Variants in DNAH11 observed in about 807,000 individuals in gnomAD.
DNAH11 encodes axonemal beta dynein heavy chain 11.
Under a neutral mutation model 526.0 loss-of-function variants are expected in DNAH11, and 442 were observed. The ratio of observed to expected loss-of-function variants is 0.84; its 90% CI spans 0.78 to 0.91. The LOEUF is 0.91. DNAH11 is among the 40% of genes least tolerant of loss of function. The pLI, the probability that DNAH11 is intolerant of heterozygous loss-of-function variation, is 0.00. For missense variants in DNAH11, 6,989 were observed against 5,448.7 expected, an observed-to-expected ratio of 1.28 and a Z score of -8.90; for synonymous variants, 2,461 against 1,935.9, an observed-to-expected ratio of 1.27 and a Z score of -7.12.
At chr7:21,835,193 G>C (rs1213155366) in intron 65 of DNAH11, among the ~76,000 whole-genome samples, 1 of 108,338 alleles carries the variant, frequency 9.2e-6, no homozygotes, top group Non-Finnish European at 1.9e-5. Flanking sequence ...ATTTAAAGAA[G>C]AACTAATACC....
At chr7:21,716,326 A>T (rs574462978) in intron 42 of DNAH11, among the ~76,000 whole-genome samples, 227 of 152,272 alleles carry the variant, frequency 1.5e-3, no homozygotes, top group African/African-American at 5.2e-3. Context: ...TGTACTAATG[A>T]GTAACGTTTA....
chr7:21,625,522 A>G lies in DNAH11; in HGVS notation c.4500+5444A>G, dbSNP rs1256333219. Among the ~76,000 whole-genome samples, 5 of 151,972 alleles carry G rather than the reference A, an allele frequency of 3.3e-5. 1 individual carries two copies. Among genetic ancestry groups the G allele is most frequent in the African/African-American group, 1.2e-4 (5 of 41,402 alleles). Reference sequence around the variant, plus strand: ...TTCATCAATTACTGCTCTGATCGTTATCATTTTTTCCTACTATTGATTGTG... The same window carrying G: ...TTCATCAATTACTGCTCTGATCGTTGTCATTTTTTCCTACTATTGATTGTG... On this transcript the variant is annotated intron_variant, in intron 25 of 81. Coordinates refer to ENST00000409508, the MANE Select transcript of DNAH11 (RefSeq NM_001277115.2).
chr7:21,554,457 G>A (rs1045424499), intron 2 of DNAH11, among the ~76,000 whole-genome samples: 3 of 152,102 alleles, frequency 2.0e-5, no homozygotes, highest in African/African-American at 4.8e-5. Flanking sequence ...TTATAGGCAT[G>A]AGCCCTGCAC....
At chr7:21,700,642 A>G (rs1177879809) in intron 36 of DNAH11, among the ~76,000 whole-genome samples, 4 of 152,208 alleles carry the variant, frequency 2.6e-5, no homozygotes, top group South Asian at 2.1e-4. Flanking sequence ...TCATTCTACT[A>G]TAAAGACACA....
intron 67 of DNAH11, 63 bp downstream of exon 67, chr7:21,852,694 G>T (rs1782689151): frequency 6.7e-7 from 1 of 1,487,160 alleles, no homozygotes; most frequent in African/African-American, 1.4e-5. Flanking sequence ...CATGTGGGGT[G>T]GGCAGTGTGA....
chr7:21,798,562 A>T (rs943184472), intron 61 of DNAH11, among the ~76,000 whole-genome samples: 3 of 152,228 alleles, frequency 2.0e-5, no homozygotes, highest in Non-Finnish European at 4.4e-5. Context: ...CAGGACTCAG[A>T]AGGTTTGGGT....
intron 72 of DNAH11, 94 bp downstream of exon 72, chr7:21,868,101 T>C: frequency 1.0e-6 from 1 of 988,318 alleles, no homozygotes; most frequent in Non-Finnish European, 1.3e-6. Context: ...GTGATCTTAG[T>C]TTCTTTTTTT....
At chr7:21,639,822 T>C (rs10226107) in intron 28 of DNAH11, among the ~76,000 whole-genome samples, 18,922 of 152,166 alleles carry the variant, frequency 0.12, 1,394 homozygotes, top group African/African-American at 0.21. Flanking sequence ...TTACAGATTA[T>C]TTTAAAACTG....
rs1025052948 is a variant in DNAH11, at chr7:21,608,240, G to A, written c.3852+1507G>A. Among the ~76,000 whole-genome samples, 3 of 151,926 alleles carry A rather than the reference G, an allele frequency of 2.0e-5. No individual in the cohort carries two copies. The South Asian group carries it at 6.2e-4, about 32-fold the overall frequency. ...GTTGACTATAAGAATGAATATGGTG[G>A]GCAAAGAATCCAAATGGTAAGTAAT... On this transcript the variant is annotated intron_variant, in intron 20 of 81. Transcript: ENST00000409508.
Position 21,741,985 on chromosome 7 carries a change from A to G in DNAH11, c.7973A>G (p.Tyr2658Cys), listed in dbSNP as rs377216163. The G allele has an allele frequency of 7.9e-5, 127 of 1,613,930 alleles. 1 individual carries two copies. The South Asian group carries it at 1.3e-3, about 16-fold the overall frequency. Residue 2658 changes from tyrosine (Y) to cysteine (C), a missense_variant, in exon 49 of 82, where the codon TAT becomes TGT. Coordinates refer to ENST00000409508, the MANE Select transcript of DNAH11 (RefSeq NM_001277115.2). ...FPSLDALNTIYGQIFSFHFQQ... is the reference protein window; with the variant it reads ...FPSLDALNTICGQIFSFHFQQ... ...TCTTTGGATGCACTAAACACCATCT[A>G]TGGCCAAATCTTTAGCTTCCATTTC...
At chr7:21,749,364 C>T (rs1269087845) in intron 52 of DNAH11, among the ~76,000 whole-genome samples, 1 of 152,110 alleles carries the variant, frequency 6.6e-6, no homozygotes, top group Non-Finnish European at 1.5e-5. Flanking sequence ...TTTTTACGGC[C>T]CTGCCTGAAA....
intron 39 of DNAH11, among the ~76,000 whole-genome samples, chr7:21,706,175 C>T (rs143437552): frequency 2.7e-3 from 408 of 152,074 alleles, no homozygotes; most frequent in Middle Eastern, 0.01. Context: ...ATGATTTACT[C>T]GGCACAACAA....
chr7:21,631,272 G>A (rs1786592267), intron 25 of DNAH11, among the ~76,000 whole-genome samples: 1 of 152,170 alleles, frequency 6.6e-6, no homozygotes, highest in Non-Finnish European at 1.5e-5. Context: ...GGAATTCAAG[G>A]TGAGATTTGG....
intron 65 of DNAH11, among the ~76,000 whole-genome samples, chr7:21,827,782 A>G (rs1308791310): frequency 1.3e-5 from 2 of 152,132 alleles, no homozygotes; most frequent in Non-Finnish European, 2.9e-5. Context: ...TTTATTAACT[A>G]TTATTATGTT....
At chr7:21,802,065 T>C (rs1002211690) in intron 62 of DNAH11, among the ~76,000 whole-genome samples, 1 of 152,222 alleles carries the variant, frequency 6.6e-6, no homozygotes, top group African/African-American at 2.4e-5. Flanking sequence ...GGGATGTGGA[T>C]AACGTTTCCC....
intron 2 of DNAH11, among the ~76,000 whole-genome samples, chr7:21,557,111 T>C (rs1237147244): frequency 6.6e-6 from 1 of 151,952 alleles, no homozygotes; most frequent in African/African-American, 2.4e-5. Context: ...TCTGTTCCTG[T>C]GTTAATTTGC....
chr7:21,894,917 C>T lies in DNAH11; in HGVS notation c.12967C>T (p.Gln4323Ter). The change falls in exon 79 of 82, where the codon CAG becomes TAG. Residue 4323 changes from glutamine (Q) to a stop codon, truncating the protein, a stop_gained. Transcript: ENST00000409508. LOFTEE classifies it high-confidence loss of function. ...GGCATTATCTCCTGCTGTGGAAGCC[C>T]AGCAGTTTGCATTGAGTTATGACAC... Reference protein sequence around the residue: ...ELALSPAVEAQQFALSYDTVP... With the variant: ...ELALSPAVEA The T allele has an allele frequency of 6.2e-7, 1 of 1,614,002 alleles. No individual in the cohort carries two copies. Among genetic ancestry groups the T allele is most frequent in the South Asian group, 1.1e-5 (1 of 91,082 alleles).
chr7:21,549,550 C>T (rs1300124114), intron 2 of DNAH11, among the ~76,000 whole-genome samples: 1 of 151,948 alleles, frequency 6.6e-6, no homozygotes, highest in African/African-American at 2.4e-5. Flanking sequence ...GGGGGTTTTT[C>T]CCTGTGGTGT....
intron 30 of DNAH11, among the ~76,000 whole-genome samples, chr7:21,675,559 G>T (rs1276766661): frequency 6.6e-6 from 1 of 152,102 alleles, no homozygotes; most frequent in Non-Finnish European, 1.5e-5. Context: ...ATTCCTTCTT[G>T]TCCTGTAAGG....
Sources: allele counts gnomAD v4.1 joint callset (sites outside exome capture counted in the v4.1 genomes callset), GRCh38; gene constraint gnomAD v4.1.1; transcripts MANE v1.5; gene names NCBI Gene and HGNC (gene_info 2026-07-23, HGNC 2026-07-21).